TENM3: variants seen among roughly 807,000 people sequenced by gnomAD.
The protein encoded by TENM3 is teneurin-3.
A neutral mutation model predicts 255.1 loss-of-function variants in TENM3; 63 were observed. The ratio of observed to expected loss-of-function variants is 0.25; its 90% CI spans 0.20 to 0.30. The LOEUF (loss-of-function observed/expected upper bound fraction) is 0.30, where lower values mean the gene tolerates loss of function less well. Ranked by LOEUF, TENM3 falls within the 10% of genes least tolerant of loss-of-function variation. The probability of loss-of-function intolerance (pLI) is 1.00; values close to 1 mark genes in which losing one functional copy is unlikely to be tolerated. For synonymous variants in TENM3, 1,306 were observed against 1,322.3 expected, an observed-to-expected ratio of 0.99 and a Z score of 0.27; for missense variants, 2,929 against 3,461.1, an observed-to-expected ratio of 0.85 and a Z score of 3.86.
At chr4:182,697,121 G>C (rs1323411025) in intron 12 of TENM3, among the ~76,000 whole-genome samples, 1 of 152,148 alleles carries the variant, frequency 6.6e-6, no homozygotes. Context: ...GATGTTTCTT[G>C]TTGTTGTTGT....
At chr4:181,579,032 G>A in the TENM3 span, among the ~76,000 whole-genome samples, 394 of 152,170 alleles carry the variant, frequency 2.6e-3, 5 homozygotes, top group African/African-American at 9.2e-3. Flanking sequence ...GAGAAAAGCA[G>A]GCTCCCCTCT....
At chr4:182,232,077 A>G (rs1309499682) in intron 1 of TENM3, among the ~76,000 whole-genome samples, 1 of 152,136 alleles carries the variant, frequency 6.6e-6, no homozygotes, top group East Asian at 1.9e-4. Flanking sequence ...AGGCATCTCT[A>G]GCTGTTTTGT....
At chr4:182,479,389 A>G (rs6812483) in intron 3 of TENM3, among the ~76,000 whole-genome samples, 100,465 of 151,580 alleles carry the variant, frequency 0.66, 36,232 homozygotes, top group East Asian at 0.94. Flanking sequence ...AAATTCATGA[A>G]TTTGACGATT....
At chr4:181,456,540 T>C in the TENM3 span, among the ~76,000 whole-genome samples, 2 of 151,980 alleles carry the variant, frequency 1.3e-5, no homozygotes, top group Non-Finnish European at 2.9e-5. Flanking sequence ...TCTAAGCTAG[T>C]ATCTCTATAT....
chr4:182,566,099 G>T (rs1278737102), intron 3 of TENM3, among the ~76,000 whole-genome samples: 2 of 152,156 alleles, frequency 1.3e-5, no homozygotes, highest in African/African-American at 4.8e-5. Flanking sequence ...AAGAACCTCT[G>T]CTACCAATTA....
chr4:182,098,184 C>T, the TENM3 span, among the ~76,000 whole-genome samples: 1 of 152,140 alleles, frequency 6.6e-6, no homozygotes, highest in Admixed American at 6.5e-5. Flanking sequence ...CGAATAATAA[C>T]AGATGCTGGG....
At chr4:181,906,436 G>A in the TENM3 span, 1 of 192,848 alleles carries the variant, frequency 5.2e-6, no homozygotes, top group Non-Finnish European at 1.1e-5. Context: ...GGCCAAAAAT[G>A]CACATGTGAG....
intron 24 of TENM3, among the ~76,000 whole-genome samples, chr4:182,780,336 T>C (rs1372634568): frequency 7.8e-6 from 1 of 128,154 alleles, no homozygotes; most frequent in African/African-American, 3.1e-5. Flanking sequence ...TGCTTGTTTT[T>C]CTCAGGTTTG....
chr4:182,168,458 G>A (rs1052885304), intron 1 of TENM3, among the ~76,000 whole-genome samples: 1 of 152,032 alleles, frequency 6.6e-6, no homozygotes, highest in African/African-American at 2.4e-5. Context: ...TCTTCTCTCT[G>A]GGAAACTAGC....
chr4:181,676,909 C>T, the TENM3 span, among the ~76,000 whole-genome samples: 8 of 151,988 alleles, frequency 5.3e-5, no homozygotes, highest in Admixed American at 1.3e-4. Context: ...ATTCATGACC[C>T]ACCTTATTAA....
chr4:182,198,952 A>G (rs1221000890), intron 1 of TENM3, among the ~76,000 whole-genome samples: 2 of 152,200 alleles, frequency 1.3e-5, no homozygotes, highest in African/African-American at 2.4e-5. Context: ...TTCTTAACAC[A>G]TGAAAGAAGA....
intron 1 of TENM3, among the ~76,000 whole-genome samples, chr4:182,227,234 C>T (rs906544275): frequency 6.6e-6 from 1 of 152,126 alleles, no homozygotes; most frequent in Non-Finnish European, 1.5e-5. Context: ...TGCAGTACTG[C>T]TTGCCTGGCT....
At chr4:181,985,225 A>C in the TENM3 span, among the ~76,000 whole-genome samples, 2 of 151,878 alleles carry the variant, frequency 1.3e-5, no homozygotes, top group African/African-American at 4.8e-5. Context: ...GAAAAAAAAA[A>C]CACATTTTAA....
At chr4:181,865,740 C>T in the TENM3 span, among the ~76,000 whole-genome samples, 1 of 152,278 alleles carries the variant, frequency 6.6e-6, no homozygotes, top group African/African-American at 2.4e-5. Context: ...AGATATGATA[C>T]AGGTCCATAG....
At chr4:182,705,897 C>A (rs1758245268) in intron 12 of TENM3, among the ~76,000 whole-genome samples, 1 of 152,142 alleles carries the variant, frequency 6.6e-6, no homozygotes, top group Non-Finnish European at 1.5e-5. Context: ...ATCTTGCCCA[C>A]TGGTTTTCCA....
chr4:182,757,656 G>A (rs1270951927), intron 22 of TENM3, among the ~76,000 whole-genome samples: 1 of 152,084 alleles, frequency 6.6e-6, no homozygotes, highest in East Asian at 1.9e-4. Context: ...TTAAAGAAAT[G>A]ATAGTGCAAA....
chr4:182,775,692 C>T (rs1263730120), intron 24 of TENM3, among the ~76,000 whole-genome samples: 2 of 152,132 alleles, frequency 1.3e-5, no homozygotes, highest in Admixed American at 6.5e-5. Flanking sequence ...CACACCTGTT[C>T]TCAGATGCAG....
the TENM3 span, among the ~76,000 whole-genome samples, chr4:181,781,099 A>G: frequency 6.6e-6 from 1 of 152,192 alleles, no homozygotes; most frequent in Non-Finnish European, 1.5e-5. Context: ...TGACTTGGCA[A>G]TGCGGGCTCT....
the TENM3 span, among the ~76,000 whole-genome samples, chr4:182,063,445 T>G: frequency 6.6e-6 from 1 of 152,210 alleles, no homozygotes; most frequent in Admixed American, 6.5e-5. Context: ...AAAAGTAAGT[T>G]TTAGCACTTA....
Sources: gnomAD v4.1 joint callset for allele counts (sites outside exome capture counted in the v4.1 genomes callset) on GRCh38, gnomAD v4.1.1 for gene constraint, MANE v1.5 for transcripts, NCBI Gene and HGNC (gene_info 2026-07-23, HGNC 2026-07-21) for gene names.